MEMO1: variants seen among roughly 807,000 people sequenced by gnomAD.
The protein encoded by MEMO1 is mediator of cell motility 1.
In MEMO1, 6 loss-of-function variants were observed where a neutral mutation model predicts 45.2. The ratio of observed to expected loss-of-function variants is 0.13; its 90% CI spans 0.07 to 0.26. MEMO1 has a LOEUF of 0.26. MEMO1 is among the 10% of genes least tolerant of loss of function. The pLI is 1.00. For missense variants in MEMO1, 184 were observed against 370.5 expected, an observed-to-expected ratio of 0.50 and a Z score of 4.13; for synonymous variants, 78 against 124.3, an observed-to-expected ratio of 0.63 and a Z score of 2.48.
At chr2:31,933,347 A>ATT (rs869029468) in intron 3 of MEMO1, among the ~76,000 whole-genome samples, 4 of 19,960 alleles carry the variant, frequency 2.0e-4, no homozygotes, top group Admixed American at 8.5e-4. Flanking sequence ...AAAAAAAAAA[A>ATT]AATTTATATA....
intron 2 of MEMO1, among the ~76,000 whole-genome samples, chr2:32,009,901 G>A (rs1300319287): frequency 1.3e-5 from 2 of 151,998 alleles, no homozygotes; most frequent in African/African-American, 4.8e-5. Context: ...CTGGTCCTGA[G>A]GGAGGGCGCA....
chr2:31,966,675 G>C (rs1022352459), intron 2 of MEMO1, among the ~76,000 whole-genome samples: 1 of 142,174 alleles, frequency 7.0e-6, no homozygotes, highest in Non-Finnish European at 1.5e-5. Flanking sequence ...AGAGGTTGCA[G>C]TGAGCCCAGA....
intron 2 of MEMO1, among the ~76,000 whole-genome samples, chr2:31,964,126 T>C (rs1668334152): frequency 6.6e-6 from 1 of 152,128 alleles, no homozygotes; most frequent in Non-Finnish European, 1.5e-5. Flanking sequence ...CTAAATCAAA[T>C]TACCAAATTG....
At position 31,951,246 on chromosome 2, in the gene MEMO1, A is replaced by T. The variant is rs563115387; in HGVS notation, c.62-7863T>A. On this transcript the variant is annotated intron_variant, in intron 2 of 9. Coordinates refer to ENST00000404530, the MANE Select transcript of MEMO1 (RefSeq NM_001301833.4). ...ATTCACATATGAACAGGCAGTGACAACTATTTTCCAAATGATAATTTTAAG... is the reference window on the plus strand; with the variant it reads ...ATTCACATATGAACAGGCAGTGACATCTATTTTCCAAATGATAATTTTAAG... Among the ~76,000 whole-genome samples, 5 of 152,372 alleles carry T rather than the reference A, an allele frequency of 3.3e-5. No homozygotes were observed. The South Asian group carries it at 1.0e-3, about 32-fold the overall frequency.
At chr2:31,977,617 G>T (rs1398652877) in intron 2 of MEMO1, among the ~76,000 whole-genome samples, 1 of 152,070 alleles carries the variant, frequency 6.6e-6, no homozygotes, top group Non-Finnish European at 1.5e-5. Context: ...AGGTACAAGC[G>T]ATTCTCCTGC....
intron 3 of MEMO1, among the ~76,000 whole-genome samples, chr2:31,937,945 A>G (rs1189621969): frequency 6.6e-6 from 1 of 152,218 alleles, no homozygotes; most frequent in Admixed American, 6.5e-5. Context: ...TGGTATGAAG[A>G]TATCTGGAAG....
rs190797239 is a variant in MEMO1 at position 31,977,290 on chromosome 2, G to A, written c.61+32897C>T. Among the ~76,000 whole-genome samples, 31 of 152,236 alleles carry A rather than the reference G, an allele frequency of 2.0e-4. 1 individual carries two copies. Among genetic ancestry groups the A allele is most frequent in the Admixed American group, 1.7e-3 (26 of 15,280 alleles). ...TGCTCATTTTCTGTGTAGACAGACA[G>A]TCAATGGGGAGCCACTGAAGGTTTA... On this transcript the variant is annotated intron_variant, in intron 2 of 9. Coordinates refer to ENST00000404530, the MANE Select transcript of MEMO1 (RefSeq NM_001301833.4).
intron 2 of MEMO1, among the ~76,000 whole-genome samples, chr2:31,997,086 A>T (rs1190395646): frequency 6.6e-6 from 1 of 152,172 alleles, no homozygotes; most frequent in Non-Finnish European, 1.5e-5. Flanking sequence ...ATCTCCAGAG[A>T]CTACTGTCTC....
intron 3 of MEMO1, among the ~76,000 whole-genome samples, chr2:31,939,256 GTTTATA>G (rs1287568535): frequency 6.6e-6 from 1 of 151,924 alleles, no homozygotes; most frequent in East Asian, 1.9e-4. Flanking sequence ...TTTATTGTAT[GTTTATA>G]TTTATGTTTT....
chr2:32,009,704 G>A (rs1674571022), intron 2 of MEMO1, among the ~76,000 whole-genome samples: 1 of 152,174 alleles, frequency 6.6e-6, no homozygotes, highest in Admixed American at 6.5e-5. Context: ...GAAGACGGGA[G>A]AGGAAAGGAA....
At chr2:31,923,746 A>C (rs555233921) in intron 4 of MEMO1, 3 of 1,529,584 alleles carry the variant, frequency 2.0e-6, no homozygotes, top group African/African-American at 1.4e-5. Flanking sequence ...TGAAACACAC[A>C]GTCAAAATAT....
intron 2 of MEMO1, among the ~76,000 whole-genome samples, chr2:32,005,447 G>A (rs1673950278): frequency 6.6e-6 from 1 of 151,982 alleles, no homozygotes; most frequent in African/African-American, 2.4e-5. Context: ...AGGGGCATTT[G>A]GTGGGAATTC....
At chr2:31,928,714 A>G (rs745465082) in intron 4 of MEMO1, among the ~76,000 whole-genome samples, 3 of 152,190 alleles carry the variant, frequency 2.0e-5, no homozygotes, top group Non-Finnish European at 4.4e-5. Context: ...CCATAAAAAT[A>G]TATCCATTTC....
chr2:31,966,963 T>C (rs1395866755), intron 2 of MEMO1, among the ~76,000 whole-genome samples: 1 of 152,100 alleles, frequency 6.6e-6, no homozygotes, highest in Admixed American at 6.5e-5. Context: ...AAAAGCTTTG[T>C]ATAAATATAG....
At chr2:32,001,920 G>A (rs1338496665) in intron 2 of MEMO1, among the ~76,000 whole-genome samples, 1 of 151,640 alleles carries the variant, frequency 6.6e-6, no homozygotes, top group African/African-American at 2.4e-5. Flanking sequence ...GGCCAAGGAG[G>A]GTGGATCACA....
At position 31,949,701 on chromosome 2, in the gene MEMO1, A is replaced by G. The variant is rs140262334; in HGVS notation, c.62-6318T>C. 2.1e-3 allele frequency among the ~76,000 whole-genome samples: 316 copies of G among 152,056 alleles called. 1 individual carries two copies. The highest frequency in any genetic ancestry group is 4.5e-3 in the Admixed American group (68 of 15,272). On this transcript the variant is annotated intron_variant, in intron 2 of 9. Coordinates refer to ENST00000404530, the MANE Select transcript of MEMO1 (RefSeq NM_001301833.4). ...ACAGGACCTACTGTTTGATAGCACAATAGGTTAGCTACAGTCAGTAACTTA... is the reference window on the plus strand; with the variant it reads ...ACAGGACCTACTGTTTGATAGCACAGTAGGTTAGCTACAGTCAGTAACTTA...
intron 3 of MEMO1, among the ~76,000 whole-genome samples, chr2:31,935,738 T>C (rs1393446490): frequency 6.6e-6 from 1 of 152,146 alleles, no homozygotes; most frequent in Non-Finnish European, 1.5e-5. Flanking sequence ...AGATGCTCTT[T>C]TCCTAATCTT....
At chr2:31,994,766 G>T (rs1394611391) in intron 2 of MEMO1, among the ~76,000 whole-genome samples, 3 of 151,952 alleles carry the variant, frequency 2.0e-5, no homozygotes, top group Non-Finnish European at 4.4e-5. Flanking sequence ...TGGACAACAT[G>T]GCAAAAACCT....
chr2:31,973,023 A>T (rs1426501735), intron 2 of MEMO1, among the ~76,000 whole-genome samples: 3 of 152,226 alleles, frequency 2.0e-5, no homozygotes, highest in Non-Finnish European at 4.4e-5. Flanking sequence ...GCTAAGAGAC[A>T]GACTAGAATC....
Sources: gnomAD v4.1 joint callset for allele counts (sites outside exome capture counted in the v4.1 genomes callset) on GRCh38, gnomAD v4.1.1 for gene constraint, MANE v1.5 for transcripts, NCBI Gene and HGNC (gene_info 2026-07-23, HGNC 2026-07-21) for gene names.